NIPBL: variants seen among roughly 807,000 people sequenced by gnomAD.
The protein encoded by NIPBL is nipped-B-like protein.
NIPBL carries 19 observed loss-of-function variants against 321.8 expected under a neutral mutation model. That is an observed-to-expected ratio of 0.06 (90% CI 0.04 to 0.09). The LOEUF (loss-of-function observed/expected upper bound fraction) is 0.09, where lower values mean the gene tolerates loss of function less well. Ranked by LOEUF, NIPBL falls within the 10% of genes least tolerant of loss-of-function variation. The pLI is 1.00. For missense variants in NIPBL, 2,210 were observed against 3,327.0 expected, an observed-to-expected ratio of 0.66 and a Z score of 8.26; for synonymous variants, 1,106 against 1,114.1, an observed-to-expected ratio of 0.99 and a Z score of 0.14.
At chr5:37,051,716 C>CA (rs1447959946) in intron 40 of NIPBL, 63 bp from the exon 41 acceptor site, 1 of 1,112,042 alleles carries the variant, frequency 9.0e-7, no homozygotes, top group African/African-American at 1.5e-5. Flanking sequence ...AAAGTTTTGA[C>CA]ATATGTCTAA....
At chr5:36,925,403 G>T (rs1338590384) in intron 1 of NIPBL, among the ~76,000 whole-genome samples, 1 of 151,578 alleles carries the variant, frequency 6.6e-6, no homozygotes, top group Non-Finnish European at 1.5e-5. Context: ...TGAGTAGCTG[G>T]GATTACAGGC....
chr5:36,877,946 A>G (rs1184706024), intron 1 of NIPBL, among the ~76,000 whole-genome samples: 1 of 152,200 alleles, frequency 6.6e-6, no homozygotes, highest in Non-Finnish European at 1.5e-5. Context: ...TTATTCAAAG[A>G]CAAGTATAAA....
At chr5:36,928,758 A>T (rs188057361) in intron 1 of NIPBL, among the ~76,000 whole-genome samples, 4 of 152,286 alleles carry the variant, frequency 2.6e-5, no homozygotes, top group African/African-American at 9.6e-5. Flanking sequence ...CATTTCATCT[A>T]AAAAGAATTA....
chr5:37,012,757 C>T (rs922239443), intron 21 of NIPBL, among the ~76,000 whole-genome samples: 1 of 151,688 alleles, frequency 6.6e-6, no homozygotes, highest in Non-Finnish European at 1.5e-5. Flanking sequence ...GGATACAGCA[C>T]GTTTCAGAGA....
At chr5:36,958,473 C>CA (rs1741234931) in intron 4 of NIPBL, among the ~76,000 whole-genome samples, 1 of 152,140 alleles carries the variant, frequency 6.6e-6, no homozygotes, top group Non-Finnish European at 1.5e-5. Flanking sequence ...TCAGTTTACT[C>CA]AGCTTAAAAA....
chr5:36,953,604 T>C lies in NIPBL; in HGVS notation c.-79-14T>C, dbSNP rs1360186025. The C allele has an allele frequency of 4.2e-6, 4 of 954,076 alleles. No individual in the cohort carries two copies. The African/African-American group carries it at 4.8e-5, about 11-fold the overall frequency. The allele number at this position is 954,076 out of a possible 1,614,324, so 59.1% of individuals were successfully genotyped here. On this transcript the variant is annotated splice_polypyrimidine_tract_variant and intron_variant, in intron 1 of 46. Coordinates refer to ENST00000282516, the MANE Select transcript of NIPBL (RefSeq NM_133433.4). ...CATATCTCTACAAATAATTGTCTGTTTTGTGTGTTGCAGTGTTTGGGAAAT... is the reference window on the plus strand; with the variant it reads ...CATATCTCTACAAATAATTGTCTGTCTTGTGTGTTGCAGTGTTTGGGAAAT...
chr5:37,026,071 G>C (rs1272007123), intron 30 of NIPBL, among the ~76,000 whole-genome samples, 158 bp from the exon 31 acceptor site: 2 of 152,196 alleles, frequency 1.3e-5, no homozygotes, highest in East Asian at 3.9e-4. Flanking sequence ...GAAATTAGTA[G>C]TTTTAGAAAA....
intron 45 of NIPBL, 149 bp downstream of exon 45, chr5:37,061,167 G>C: frequency 4.7e-6 from 3 of 639,956 alleles, no homozygotes; most frequent in Non-Finnish European, 8.1e-6. Flanking sequence ...TTATTTTAAT[G>C]AGTTACTTTA....
chr5:36,877,455 A>T (rs1038489215), intron 1 of NIPBL, among the ~76,000 whole-genome samples: 2 of 152,162 alleles, frequency 1.3e-5, no homozygotes, highest in Admixed American at 6.5e-5. Flanking sequence ...GGCCAGCGGA[A>T]TCTACTTGAG....
At chr5:36,971,110 A>G (rs1742803572) in intron 7 of NIPBL, 74 bp downstream of exon 7, 3 of 1,225,396 alleles carry the variant, frequency 2.4e-6, no homozygotes, top group Non-Finnish European at 3.6e-6. Flanking sequence ...TTCCATTTCA[A>G]AATTTGAATG....
intron 37 of NIPBL, 76 bp downstream of exon 37, chr5:37,045,673 C>T (rs1428135264): frequency 1.1e-5 from 16 of 1,458,380 alleles, no homozygotes; most frequent in Non-Finnish European, 1.2e-5. Flanking sequence ...ACAGTAGTGA[C>T]CCAGGATGAA....
chr5:37,052,590 T>A (rs753591005), intron 42 of NIPBL, 24 bp downstream of exon 42: 7 of 1,575,220 alleles, frequency 4.4e-6, no homozygotes, highest in Non-Finnish European at 6.1e-6. Context: ...CTTATTATTT[T>A]AAGAAAATAA....
intron 45 of NIPBL, among the ~76,000 whole-genome samples, chr5:37,062,004 G>T (rs182049769): frequency 1.3e-5 from 2 of 152,224 alleles, no homozygotes; most frequent in African/African-American, 4.8e-5. Flanking sequence ...ACCACGCCCG[G>T]CTAATTTTTG....
At chr5:36,980,954 G>A (rs35654169) in intron 9 of NIPBL, among the ~76,000 whole-genome samples, 6,558 of 151,626 alleles carry the variant, frequency 0.043, 205 homozygotes, top group Non-Finnish European at 0.071. Context: ...GTGTAGGTGA[G>A]GTCATAAATA....
At chr5:36,934,866 CAGT>C (rs2149576022) in intron 1 of NIPBL, among the ~76,000 whole-genome samples, 1 of 152,006 alleles carries the variant, frequency 6.6e-6, no homozygotes, top group South Asian at 2.1e-4. Context: ...AAAGTGGAGT[CAGT>C]AGAGTCAATC....
At position 37,065,340 on chromosome 5, in the gene NIPBL, G is replaced by GA. The variant is rs768908921; in HGVS notation, c.*460dup. ...TCCTGGATATATAATTTATTCTGTT[G>GA]AAAAAAAAAAAAGCATGCAGTATCT... On this transcript the variant is annotated 3_prime_UTR_variant, in exon 47 of 47. Transcript: ENST00000282516. 5.7e-3 allele frequency: 879 copies of GA among 152,968 alleles called. 1 individual carries two copies. Among genetic ancestry groups the GA allele is most frequent in the South Asian group, 0.014 (85 of 6,202 alleles). 9.5% of individuals were successfully genotyped at this position (152,968 alleles called of 1,614,324 possible).
At chr5:36,980,069 T>G (rs1743959954) in intron 9 of NIPBL, among the ~76,000 whole-genome samples, 2 of 151,744 alleles carry the variant, frequency 1.3e-5, no homozygotes, top group African/African-American at 2.4e-5. Flanking sequence ...TTTCTACTTA[T>G]AAAAATGGAA....
chr5:37,044,289 G>A, intron 34 of NIPBL, 58 bp from the exon 35 acceptor site: 1 of 1,503,322 alleles, frequency 6.7e-7, no homozygotes, highest in South Asian at 1.1e-5. Context: ...ACGTAAAGCT[G>A]TATATAGTTT....
chr5:37,030,549 G>A (rs946615632), intron 32 of NIPBL, among the ~76,000 whole-genome samples: 2 of 152,136 alleles, frequency 1.3e-5, no homozygotes, highest in African/African-American at 4.8e-5. Flanking sequence ...ACATATGCAT[G>A]CATTGCATTC....
Sources: allele counts gnomAD v4.1 joint callset (sites outside exome capture counted in the v4.1 genomes callset), GRCh38; gene constraint gnomAD v4.1.1; transcripts MANE v1.5; gene names NCBI Gene and HGNC (gene_info 2026-07-23, HGNC 2026-07-21).